Variants in NBEAL1 observed in about 807,000 individuals in gnomAD.
NBEAL1 encodes neurobeachin like 1.
A neutral mutation model predicts 351.3 loss-of-function variants in NBEAL1; 273 were observed. The ratio of observed to expected loss-of-function variants is 0.78; its 90% CI spans 0.70 to 0.86. The LOEUF is 0.86. Ranked by LOEUF, NBEAL1 falls within the 40% of genes least tolerant of loss-of-function variation. The pLI is 0.00. For synonymous variants in NBEAL1, 1,050 were observed against 1,086.4 expected, an observed-to-expected ratio of 0.97 and a Z score of 0.66; for missense variants, 2,961 against 3,201.3, an observed-to-expected ratio of 0.92 and a Z score of 1.81.
intron 10 of NBEAL1, among the ~76,000 whole-genome samples, chr2:203,096,102 C>T (rs1227708274): frequency 6.6e-6 from 1 of 152,152 alleles, no homozygotes; most frequent in Non-Finnish European, 1.5e-5. Context: ...AGATACTATG[C>T]TAATAAGCTA....
At chr2:203,163,894 A>T (rs2064047912) in intron 36 of NBEAL1, among the ~76,000 whole-genome samples, 1 of 151,712 alleles carries the variant, frequency 6.6e-6, no homozygotes, top group South Asian at 2.1e-4. Flanking sequence ...GTTCTTTTTT[A>T]TGTGTTTGGT....
At chr2:203,085,833 T>C (rs1428913765) in intron 10 of NBEAL1, 1 of 152,208 alleles carries the variant, frequency 6.6e-6, no homozygotes, top group African/African-American at 2.4e-5. Flanking sequence ...AGATGAAAAC[T>C]GGTAATAATT....
At chr2:203,132,553 GT>G (rs1164392866) in intron 26 of NBEAL1, among the ~76,000 whole-genome samples, 2 of 152,170 alleles carry the variant, frequency 1.3e-5, no homozygotes, top group Non-Finnish European at 2.9e-5. Context: ...TTGGTGTGCA[GT>G]GGCTAGTGAC....
chr2:203,040,795 C>A, intron 2 of NBEAL1: 1 of 530,500 alleles, frequency 1.9e-6, no homozygotes, highest in Non-Finnish European at 3.6e-6. Flanking sequence ...TGGCTCACTG[C>A]AACCTCCACT....
intron 41 of NBEAL1, among the ~76,000 whole-genome samples, chr2:203,173,341 G>A (rs965585168): frequency 1.4e-4 from 21 of 152,164 alleles, no homozygotes; most frequent in Admixed American, 6.5e-4. Flanking sequence ...TTCTGTTTAT[G>A]ATCTACCCTG....
intron 48 of NBEAL1, among the ~76,000 whole-genome samples, 193 bp downstream of exon 48, chr2:203,197,584 C>A (rs1275017968): frequency 6.6e-6 from 1 of 152,066 alleles, no homozygotes; most frequent in Admixed American, 6.6e-5. Context: ...GCCTGGGCAA[C>A]ATTTGCTCAG....
intron 40 of NBEAL1, 110 bp downstream of exon 40, chr2:203,172,133 G>T: frequency 4.0e-6 from 2 of 501,164 alleles, no homozygotes; most frequent in Admixed American, 8.3e-5. Flanking sequence ...AAACACTTTG[G>T]CCTTTCTGTA....
rs1014996174 is a variant in NBEAL1, at chr2:203,221,220, T to C, written c.*3866T>C. On this transcript the variant is annotated 3_prime_UTR_variant, in exon 56 of 56. Coordinates refer to ENST00000683969, the MANE Select transcript of NBEAL1 (RefSeq NM_001378026.1). ...GACCTTTGCCTTTATGTATATTTTA[T>C]ATTGTTACTACTAAAGAGACCACTG... is the stretch of plus-strand genomic sequence containing the variant. 1.3e-5 allele frequency among the ~76,000 whole-genome samples: 2 copies of C among 152,022 alleles called. No homozygotes were observed. Among genetic ancestry groups the C allele is most frequent in the African/African-American group, 4.8e-5 (2 of 41,438 alleles).
At chr2:203,137,297 A>G (rs961058813) in intron 29 of NBEAL1, among the ~76,000 whole-genome samples, 11 of 152,236 alleles carry the variant, frequency 7.2e-5, no homozygotes, top group African/African-American at 2.7e-4. Context: ...TTTTAAGCTC[A>G]TCAGCTATTG....
intron 19 of NBEAL1, among the ~76,000 whole-genome samples, chr2:203,123,169 C>G (rs1213259620): frequency 6.7e-6 from 1 of 150,016 alleles, no homozygotes; most frequent in African/African-American, 2.4e-5. Context: ...TCAGTTAACA[C>G]CAACCAAATA....
chr2:203,083,719 A>G (rs1425748472), intron 9 of NBEAL1, among the ~76,000 whole-genome samples, 194 bp downstream of exon 9: 3 of 152,234 alleles, frequency 2.0e-5, no homozygotes, highest in Non-Finnish European at 4.4e-5. Context: ...TTGCTTTAAC[A>G]ATAACAAAGT....
intron 16 of NBEAL1, among the ~76,000 whole-genome samples, chr2:203,112,555 G>A (rs1275766887): frequency 6.6e-6 from 1 of 152,052 alleles, no homozygotes; most frequent in Non-Finnish European, 1.5e-5. Context: ...ACACTAGAGG[G>A]CCTTTTCTGA....
chr2:203,119,145 A>C (rs2062766162), intron 18 of NBEAL1, among the ~76,000 whole-genome samples: 2 of 151,950 alleles, frequency 1.3e-5, no homozygotes, highest in Admixed American at 1.3e-4. Context: ...ATAGTTAAAT[A>C]AATTTGGGGG....
At chr2:203,211,209 A>G (rs1443857441) in intron 54 of NBEAL1, 103 bp downstream of exon 54, 2 of 848,372 alleles carry the variant, frequency 2.4e-6, no homozygotes, top group East Asian at 6.0e-5. Context: ...TTGGTTTATC[A>G]TTGATTATAA....
At chr2:203,179,490 G>A (rs6726999) in intron 42 of NBEAL1, among the ~76,000 whole-genome samples, 88,919 of 151,642 alleles carry the variant, frequency 0.59, 27,373 homozygotes, top group Middle Eastern at 0.78. Context: ...TCTAAAATAA[G>A]TAAATACATA....
At chr2:203,139,698 G>A (rs2063318477) in intron 31 of NBEAL1, among the ~76,000 whole-genome samples, 1 of 149,550 alleles carries the variant, frequency 6.7e-6, no homozygotes, top group Admixed American at 6.7e-5. Flanking sequence ...CAAAGTAGCT[G>A]GGACTACGGG....
chr2:203,172,809 A>C lies in NBEAL1; in HGVS notation c.6279A>C (p.Pro2093=). 5.6e-6 allele frequency: 9 copies of C among 1,611,714 alleles called. No individual in the cohort carries two copies. The highest frequency in any genetic ancestry group is 7.6e-6 in the Non-Finnish European group (9 of 1,178,720). The change falls in exon 41 of 56, where the codon CCA becomes CCC. Residue 2093 remains proline (P), a synonymous_variant. Coordinates refer to ENST00000683969, the MANE Select transcript of NBEAL1 (RefSeq NM_001378026.1). ...CTGTATTTCGAGATCTTTCCAAACC[A>C]ATTGGGGTAGTTAATGAAAAAAACG... ...NPAVFRDLSK[P]IGVVNEKNAK...
At chr2:203,064,495 G>T (rs796621415) in intron 6 of NBEAL1, among the ~76,000 whole-genome samples, 9 of 152,316 alleles carry the variant, frequency 5.9e-5, no homozygotes, top group African/African-American at 2.2e-4. Context: ...GAAGTAGTGG[G>T]TATCATGTGC....
chr2:203,054,852 A>C lies in NBEAL1; in HGVS notation c.306-1575A>C, dbSNP rs182926484. Among the ~76,000 whole-genome samples the C allele has an allele frequency of 5.4e-3, 820 of 152,258 alleles. 7 individuals carry two copies. Among genetic ancestry groups the C allele is most frequent in the Non-Finnish European group, 6.4e-3 (434 of 68,018 alleles). On this transcript the variant is annotated intron_variant, in intron 4 of 55. Coordinates refer to ENST00000683969, the MANE Select transcript of NBEAL1 (RefSeq NM_001378026.1). ...TCTCTGTGACTACTAATCTATTTTC[A>C]TTTCACCTTTACTTCTTGAGTGTTG...
Sources: allele counts gnomAD v4.1 joint callset (sites outside exome capture counted in the v4.1 genomes callset), GRCh38; gene constraint gnomAD v4.1.1; transcripts MANE v1.5; gene names NCBI Gene and HGNC (gene_info 2026-07-23, HGNC 2026-07-21).